Variants in SORCS3 observed in about 807,000 individuals in gnomAD.
SORCS3 encodes the protein sortilin related VPS10 domain containing receptor 3.
Under a neutral mutation model 146.3 loss-of-function variants are expected in SORCS3, and 57 were observed. That is an observed-to-expected ratio of 0.39 (90% confidence interval 0.31 to 0.49). The LOEUF (loss-of-function observed/expected upper bound fraction) is 0.49. Among genes scored for constraint, SORCS3 ranks in the 20% least tolerant of loss-of-function variants. The pLI is 0.92. For synonymous variants in SORCS3, 653 were observed against 618.5 expected (o/e 1.06, Z -0.83); for missense variants, 1,341 against 1,575.5 (o/e 0.85, Z 2.52).
intron 5 of SORCS3, among the ~76,000 whole-genome samples, chr10:105,079,122 C>A (rs1275936110): frequency 6.6e-6 from 1 of 152,170 alleles, no homozygotes; most frequent in Non-Finnish European, 1.5e-5. Context: ...TCTTGGGCCC[C>A]ACCCAGACCT....
At chr10:105,044,179 G>A (rs2055354738) in intron 5 of SORCS3, among the ~76,000 whole-genome samples, 1 of 152,018 alleles carries the variant, frequency 6.6e-6, no homozygotes, top group South Asian at 2.1e-4. Context: ...GACCAGCCTG[G>A]TCATTATAGT....
rs62646911 is a variant in SORCS3 at position 104,696,357 on chromosome 10, T to C, written c.627+54403T>C. Among the ~76,000 whole-genome samples the C allele has an allele frequency of 3.0e-3, 33 of 11,014 alleles. 11 individuals carry two copies. Among genetic ancestry groups the C allele is most frequent in the African/African-American group, 5.8e-3 (19 of 3,290 alleles). 7.2% of individuals were successfully genotyped at this position (11,014 alleles called of 152,430 possible). On this transcript the variant is annotated intron_variant, in intron 1 of 26. Coordinates refer to ENST00000369701, the MANE Select transcript of SORCS3 (RefSeq NM_014978.3). ...TATGATATATGATATATATCATATA[T>C]ATATCATATATAGTATATAATATAT...
chr10:105,119,619 C>T (rs1218050835), intron 7 of SORCS3, among the ~76,000 whole-genome samples: 1 of 152,176 alleles, frequency 6.6e-6, no homozygotes, highest in Non-Finnish European at 1.5e-5. Context: ...CATGGGAGCC[C>T]ACCTCCTGCA....
At chr10:104,866,041 C>A (rs571248370) in intron 2 of SORCS3, among the ~76,000 whole-genome samples, 19 of 152,100 alleles carry the variant, frequency 1.2e-4, no homozygotes, top group Non-Finnish European at 2.4e-4. Context: ...AGAAGAAATG[C>A]ACATAGAACA....
At chr10:104,750,981 A>G (rs1356874464) in intron 1 of SORCS3, among the ~76,000 whole-genome samples, 1 of 152,208 alleles carries the variant, frequency 6.6e-6, no homozygotes, top group Non-Finnish European at 1.5e-5. Flanking sequence ...ATTTTAATTT[A>G]GAATAATTTT....
chr10:105,072,872 G>T (rs994913518), intron 5 of SORCS3, among the ~76,000 whole-genome samples: 7 of 152,018 alleles, frequency 4.6e-5, no homozygotes, highest in African/African-American at 1.4e-4. Flanking sequence ...AACACTGATG[G>T]CAGGCACGTA....
chr10:105,216,202 G>A lies in SORCS3; in HGVS notation c.2548-734G>A, dbSNP rs868530074. Among the ~76,000 whole-genome samples, 10 of 152,134 alleles carry A rather than the reference G, an allele frequency of 6.6e-5. No individual in the cohort carries two copies. In the South Asian group the frequency reaches 1.7e-3, roughly 25 times the overall value. ...CTTAAGTAGATTTAGGGAAGTCCAAGGATAAGAGAACAAGGGTATAATTTG... is the reference window on the plus strand; with the variant it reads ...CTTAAGTAGATTTAGGGAAGTCCAAAGATAAGAGAACAAGGGTATAATTTG... On this transcript the variant is annotated intron_variant, in intron 18 of 26. Coordinates refer to ENST00000369701, the MANE Select transcript of SORCS3 (RefSeq NM_014978.3).
chr10:104,755,836 T>A (rs995266347), intron 1 of SORCS3, among the ~76,000 whole-genome samples: 1 of 152,206 alleles, frequency 6.6e-6, no homozygotes, highest in Admixed American at 6.5e-5. Context: ...AGAATCATAA[T>A]GATCAATGTT....
chr10:104,739,018 A>C (rs1189194106), intron 1 of SORCS3, among the ~76,000 whole-genome samples: 1 of 152,186 alleles, frequency 6.6e-6, no homozygotes, highest in Admixed American at 6.5e-5. Context: ...GCATTTGTGC[A>C]TCTGATGCTC....
At chr10:104,841,851 G>A (rs1236261468) in intron 1 of SORCS3, among the ~76,000 whole-genome samples, 5 of 152,198 alleles carry the variant, frequency 3.3e-5, no homozygotes, top group Non-Finnish European at 1.5e-5. Flanking sequence ...ACACAATTAT[G>A]TGTAACTGGA....
intron 7 of SORCS3, among the ~76,000 whole-genome samples, chr10:105,131,980 C>T (rs907746222): frequency 6.6e-6 from 1 of 152,112 alleles, no homozygotes; most frequent in South Asian, 2.1e-4. Flanking sequence ...GACACACATC[C>T]AAACTATATC....
intron 5 of SORCS3, among the ~76,000 whole-genome samples, chr10:105,072,662 T>C (rs1241229844): frequency 0.016 from 7 of 440 alleles, no homozygotes; most frequent in African/African-American, 0.03. Flanking sequence ...TCTCTCTCTT[T>C]TTTTTTTTTT....
intron 1 of SORCS3, among the ~76,000 whole-genome samples, chr10:104,694,837 G>T (rs2133424567): frequency 6.6e-6 from 1 of 152,320 alleles, no homozygotes; most frequent in Admixed American, 6.5e-5. Flanking sequence ...ACAGGGTTTT[G>T]TGATGATTAT....
intron 5 of SORCS3, among the ~76,000 whole-genome samples, chr10:105,083,950 G>A (rs2055642028): frequency 6.6e-6 from 1 of 152,218 alleles, no homozygotes; most frequent in African/African-American, 2.4e-5. Flanking sequence ...AGGAGAGGCA[G>A]CTTACAGGAG....
intron 1 of SORCS3, among the ~76,000 whole-genome samples, chr10:104,791,345 G>A (rs977487125): frequency 2.6e-5 from 4 of 152,160 alleles, no homozygotes; most frequent in African/African-American, 4.8e-5. Flanking sequence ...TGTTGAACTC[G>A]ACAAACAGCC....
rs751463297 is a variant in SORCS3, at chr10:105,211,124, A to G, written c.2262-13A>G. 2.4e-5 allele frequency: 38 copies of G among 1,597,566 alleles called. No homozygotes were observed. Among genetic ancestry groups the G allele is most frequent in the Non-Finnish European group, 3.1e-5 (36 of 1,165,030 alleles). On this transcript the variant is annotated splice_polypyrimidine_tract_variant and intron_variant, in intron 16 of 26. Transcript: ENST00000369701. ...ACATATATACTACTATGCAATATTC[A>G]TTTTCCTGACAGTGACTATGGGTAT... is the stretch of plus-strand genomic sequence containing the variant.
chr10:104,692,005 T>C (rs949519486), intron 1 of SORCS3, among the ~76,000 whole-genome samples: 5 of 152,204 alleles, frequency 3.3e-5, no homozygotes, highest in Non-Finnish European at 5.9e-5. Flanking sequence ...TGTTTTTTTT[T>C]ACCCTGCAAT....
chr10:104,803,329 T>C (rs1430525926), intron 1 of SORCS3, among the ~76,000 whole-genome samples: 1 of 152,158 alleles, frequency 6.6e-6, no homozygotes, highest in African/African-American at 2.4e-5. Context: ...TAGTCTCTGT[T>C]ACAGATCCCA....
chr10:104,811,764 T>C (rs139331752), intron 1 of SORCS3, among the ~76,000 whole-genome samples: 2,141 of 152,262 alleles, frequency 0.014, 31 homozygotes, highest in African/African-American at 0.036. Context: ...GGCAGCCAGA[T>C]AGCAGACAGC....
Sources: gnomAD v4.1 joint callset for allele counts (sites outside exome capture counted in the v4.1 genomes callset) on GRCh38, gnomAD v4.1.1 for gene constraint, MANE v1.5 for transcripts, NCBI Gene and HGNC (gene_info 2026-07-23, HGNC 2026-07-21) for gene names.